CAMKMT: variants seen among roughly 807,000 people sequenced by gnomAD.
CAMKMT encodes calmodulin-lysine N-methyltransferase.
In CAMKMT, 53 loss-of-function variants were observed where a neutral mutation model predicts 48.0. The observed-to-expected ratio is 1.10, with a 90% CI of 0.89 to 1.39. The LOEUF is 1.39. Ranked by LOEUF, CAMKMT falls within the 40% of genes most tolerant of loss-of-function variation. CAMKMT has a pLI of 0.00. For synonymous variants in CAMKMT, 165 were observed against 152.3 expected, an observed-to-expected ratio of 1.08 and a Z score of -0.61; for missense variants, 428 against 402.7, an observed-to-expected ratio of 1.06 and a Z score of -0.54.
At chr2:44,745,180 T>C (rs2104376405) in intron 8 of CAMKMT, among the ~76,000 whole-genome samples, 1 of 152,288 alleles carries the variant, frequency 6.6e-6, no homozygotes, top group Middle Eastern at 3.4e-3. Flanking sequence ...TTCCTGAAGC[T>C]TTAGACAAGG....
At chr2:44,726,232 T>G (rs1678776718) in intron 7 of CAMKMT, among the ~76,000 whole-genome samples, 1 of 152,200 alleles carries the variant, frequency 6.6e-6, no homozygotes, top group African/African-American at 2.4e-5. Flanking sequence ...TTGAACTAAT[T>G]TACATTCCTA....
chr2:44,577,674 GGAGACA>G (rs1411530638), intron 3 of CAMKMT, among the ~76,000 whole-genome samples: 1 of 109,102 alleles, frequency 9.2e-6, no homozygotes, highest in African/African-American at 3.4e-5. Flanking sequence ...AGAGGGAGAG[GGAGACA>G]GAGAGGGAGA....
chr2:44,589,883 T>TTAAAAAAAAAAAA (rs1317497090), intron 3 of CAMKMT, among the ~76,000 whole-genome samples: 1 of 23,254 alleles, frequency 4.3e-5, no homozygotes, highest in Non-Finnish European at 8.8e-5. Context: ...GAATGATCAA[T>TTAAAAAAAAAAAA]AAAAAAAAAA....
chr2:44,380,780 A>G lies in CAMKMT; in HGVS notation c.311+7892A>G, dbSNP rs573584298. ...GATAATTGATTTCATTTTTATAAGT[A>G]TCTTAGAGGTATAGGATGAGGTTTA... On this transcript the variant is annotated intron_variant, in intron 2 of 10. Transcript: ENST00000378494. Among the ~76,000 whole-genome samples, 7 of 152,306 alleles carry G rather than the reference A, an allele frequency of 4.6e-5. No homozygotes were observed. In the South Asian group the frequency reaches 1.5e-3, roughly 32 times the overall value.
chr2:44,483,628 G>A (rs1377010226), intron 3 of CAMKMT, among the ~76,000 whole-genome samples: 1 of 152,124 alleles, frequency 6.6e-6, no homozygotes, highest in Non-Finnish European at 1.5e-5. Context: ...AAGAACATAT[G>A]AAGGCCATCA....
intron 3 of CAMKMT, among the ~76,000 whole-genome samples, chr2:44,566,982 G>T (rs1668649403): frequency 6.6e-6 from 1 of 152,138 alleles, no homozygotes; most frequent in African/African-American, 2.4e-5. Context: ...AGCAGAATTT[G>T]GGTGTCATTG....
chr2:44,677,113 G>A (rs1419270317), intron 3 of CAMKMT, among the ~76,000 whole-genome samples: 3 of 152,078 alleles, frequency 2.0e-5, no homozygotes, highest in Non-Finnish European at 4.4e-5. Flanking sequence ...TATCAATATT[G>A]TTTTATAAAC....
At chr2:44,462,815 T>C (rs532618032) in intron 3 of CAMKMT, among the ~76,000 whole-genome samples, 1 of 152,332 alleles carries the variant, frequency 6.6e-6, no homozygotes, top group South Asian at 2.1e-4. Flanking sequence ...TAAAGATTTC[T>C]TCTTTATCTC....
intron 3 of CAMKMT, among the ~76,000 whole-genome samples, chr2:44,671,686 G>C (rs1675338122): frequency 6.6e-6 from 1 of 152,066 alleles, no homozygotes; most frequent in African/African-American, 2.4e-5. Flanking sequence ...GGATTTTTTT[G>C]GTGTGAAGTA....
intron 3 of CAMKMT, among the ~76,000 whole-genome samples, chr2:44,532,261 C>A (rs766418501): frequency 2.0e-5 from 3 of 152,236 alleles, no homozygotes; most frequent in Non-Finnish European, 4.4e-5. Context: ...GTACAAATGT[C>A]TAGGAGATCA....
chr2:44,724,552 C>A (rs1573171733), intron 7 of CAMKMT, among the ~76,000 whole-genome samples: 1 of 152,236 alleles, frequency 6.6e-6, no homozygotes, highest in East Asian at 1.9e-4. Context: ...TCGAGAAGCC[C>A]ATTTTATATC....
intron 3 of CAMKMT, among the ~76,000 whole-genome samples, chr2:44,667,649 C>T (rs1415072264): frequency 1.3e-5 from 2 of 152,090 alleles, no homozygotes; most frequent in African/African-American, 2.4e-5. Context: ...CCTGCACACC[C>T]TCTTAGCTAC....
intron 6 of CAMKMT, among the ~76,000 whole-genome samples, chr2:44,707,787 A>G (rs1479363504): frequency 6.6e-6 from 1 of 152,178 alleles, no homozygotes; most frequent in Non-Finnish European, 1.5e-5. Flanking sequence ...CCAGTGTAAA[A>G]CAAATTATTT....
At chr2:44,647,907 C>CAAAA (rs756753917) in intron 3 of CAMKMT, among the ~76,000 whole-genome samples, 26 of 29,490 alleles carry the variant, frequency 8.8e-4, no homozygotes, top group Non-Finnish European at 1.2e-3. Flanking sequence ...GACTCCGTCT[C>CAAAA]AAAAAAAAAA....
chr2:44,419,168 T>A (rs575311345), intron 3 of CAMKMT, among the ~76,000 whole-genome samples: 1 of 152,342 alleles, frequency 6.6e-6, no homozygotes, highest in African/African-American at 2.4e-5. Flanking sequence ...AAACTACTTT[T>A]CCAGATTCCG....
chr2:44,421,050 G>A (rs1028493803), intron 3 of CAMKMT, among the ~76,000 whole-genome samples: 1 of 151,926 alleles, frequency 6.6e-6, no homozygotes, highest in East Asian at 1.9e-4. Flanking sequence ...GGGTAGCAAT[G>A]GTTAAAATTA....
chr2:44,375,247 G>A (rs539902846), intron 2 of CAMKMT, among the ~76,000 whole-genome samples: 2 of 151,486 alleles, frequency 1.3e-5, no homozygotes, highest in East Asian at 1.9e-4. Flanking sequence ...TTGCAATGAA[G>A]TGGAGTACTC....
intron 8 of CAMKMT, among the ~76,000 whole-genome samples, chr2:44,750,156 T>C (rs75798934): frequency 5.3e-5 from 8 of 151,914 alleles, no homozygotes; most frequent in Non-Finnish European, 7.4e-5. Context: ...CTTTTTTTTT[T>C]TCTCTCTCTC....
intron 9 of CAMKMT, among the ~76,000 whole-genome samples, chr2:44,757,962 G>C (rs1417463100): frequency 2.0e-5 from 3 of 152,168 alleles, no homozygotes; most frequent in Non-Finnish European, 4.4e-5. Context: ...GAGAATTTCT[G>C]CACATAATTG....
Sources: gnomAD v4.1 joint callset for allele counts (sites outside exome capture counted in the v4.1 genomes callset) on GRCh38, gnomAD v4.1.1 for gene constraint, MANE v1.5 for transcripts, NCBI Gene and HGNC (gene_info 2026-07-23, HGNC 2026-07-21) for gene names.